Variants in ADAMTS19 observed in about 807,000 individuals in gnomAD.
ADAMTS19 encodes A disintegrin and metalloproteinase with thrombospondin motifs 19.
In ADAMTS19, 93 loss-of-function variants were observed where a neutral mutation model predicts 153.3. That is an observed-to-expected ratio of 0.61 (90% CI 0.51 to 0.72). The LOEUF (loss-of-function observed/expected upper bound fraction) is 0.72. ADAMTS19 is among the 30% of genes least tolerant of loss of function. The pLI is 0.00. For synonymous variants in ADAMTS19, 600 were observed against 556.6 expected, an observed-to-expected ratio of 1.08 and a Z score of -1.10; for missense variants, 1,482 against 1,552.1, an observed-to-expected ratio of 0.95 and a Z score of 0.76.
chr5:129,728,100 A>C (rs888831713), intron 21 of ADAMTS19, among the ~76,000 whole-genome samples: 1 of 152,152 alleles, frequency 6.6e-6, no homozygotes, highest in African/African-American at 2.4e-5. Context: ...CTAATTATAC[A>C]TTATGCATTA....
intron 16 of ADAMTS19, among the ~76,000 whole-genome samples, chr5:129,668,670 A>G (rs529542451): frequency 2.6e-5 from 4 of 152,212 alleles, no homozygotes; most frequent in South Asian, 4.2e-4. Flanking sequence ...GGGGGACACA[A>G]ATATTCAGAC....
At chr5:129,492,497 T>C (rs1750798962) in intron 2 of ADAMTS19, among the ~76,000 whole-genome samples, 1 of 133,552 alleles carries the variant, frequency 7.5e-6, no homozygotes, top group Admixed American at 7.4e-5. Flanking sequence ...GCTTGTATAA[T>C]TAAAGGTCAG....
chr5:129,677,476 CA>C (rs34211136), intron 16 of ADAMTS19, among the ~76,000 whole-genome samples: 21,775 of 135,692 alleles, frequency 0.16, 1,686 homozygotes, highest in East Asian at 0.32. Flanking sequence ...GACTCCGTCT[CA>C]AAAAAAAAAA....
chr5:129,732,818 GA>G (rs1409907764), intron 21 of ADAMTS19, among the ~76,000 whole-genome samples: 1 of 151,924 alleles, frequency 6.6e-6, no homozygotes, highest in African/African-American at 2.4e-5. Flanking sequence ...AAAAAATCCT[GA>G]AATTCATACA....
At chr5:129,576,838 TATTCA>T (rs1754121569) in intron 7 of ADAMTS19, among the ~76,000 whole-genome samples, 1 of 151,964 alleles carries the variant, frequency 6.6e-6, no homozygotes, top group Non-Finnish European at 1.5e-5. Context: ...CTGACCTACC[TATTCA>T]ATTCATCTAC....
At chr5:129,608,116 G>GTGTGTGTGTGTATATATATATA (rs377008786) in intron 8 of ADAMTS19, among the ~76,000 whole-genome samples, 15 of 47,950 alleles carry the variant, frequency 3.1e-4, no homozygotes, top group Non-Finnish European at 4.5e-4. Flanking sequence ...GTGTGTGTGT[G>GTGTGTGTGTGTATATATATATA]TATATATATA....
chr5:129,464,496 A>T (rs1167185066), intron 2 of ADAMTS19, among the ~76,000 whole-genome samples: 3 of 152,202 alleles, frequency 2.0e-5, no homozygotes, highest in Non-Finnish European at 2.9e-5. Context: ...CTTGATAGTA[A>T]GCTTTGCCTA....
At chr5:129,695,021 G>T (rs1484492955) in intron 19 of ADAMTS19, among the ~76,000 whole-genome samples, 166 bp downstream of exon 19, 1 of 152,108 alleles carries the variant, frequency 6.6e-6, no homozygotes, top group Non-Finnish European at 1.5e-5. Context: ...AAGCAAGGTA[G>T]CAAGGCCAAG....
At chr5:129,626,887 A>G (rs1396240143) in intron 10 of ADAMTS19, among the ~76,000 whole-genome samples, 1 of 152,116 alleles carries the variant, frequency 6.6e-6, no homozygotes, top group Non-Finnish European at 1.5e-5. Flanking sequence ...CTACCAAGGT[A>G]GATGGTTAGG....
chr5:129,476,824 C>T (rs894956806), intron 2 of ADAMTS19, among the ~76,000 whole-genome samples: 4 of 152,074 alleles, frequency 2.6e-5, no homozygotes, highest in African/African-American at 4.8e-5. Context: ...AAAATTTTCT[C>T]ATTTTAGTAG....
intron 3 of ADAMTS19, 65 bp downstream of exon 3, chr5:129,509,307 A>T (rs889622413): frequency 1.3e-5 from 19 of 1,425,618 alleles, no homozygotes; most frequent in Middle Eastern, 1.8e-4. Flanking sequence ...CTTTAAAAAA[A>T]CTCTCTCGTC....
intron 18 of ADAMTS19, among the ~76,000 whole-genome samples, chr5:129,689,850 ATAT>A (rs1324034601): frequency 6.6e-6 from 1 of 152,200 alleles, no homozygotes; most frequent in East Asian, 1.9e-4. Context: ...ATAAAATTTG[ATAT>A]TATTTCATTT....
intron 7 of ADAMTS19, among the ~76,000 whole-genome samples, chr5:129,579,664 T>A (rs1749407832): frequency 6.6e-6 from 1 of 152,132 alleles, no homozygotes; most frequent in South Asian, 2.1e-4. Context: ...TTCTAGCCAG[T>A]TTTCCCAACA....
At chr5:129,663,250 C>T (rs1020111997) in intron 15 of ADAMTS19, among the ~76,000 whole-genome samples, 9 of 152,118 alleles carry the variant, frequency 5.9e-5, no homozygotes, top group Non-Finnish European at 1.0e-4. Context: ...AAACTATGAC[C>T]ATCACCAAAG....
chr5:129,476,723 C>A (rs1284311440), intron 2 of ADAMTS19, among the ~76,000 whole-genome samples: 1 of 151,944 alleles, frequency 6.6e-6, no homozygotes, highest in African/African-American at 2.4e-5. Context: ...AAATAAAGAC[C>A]CTTAGATAGT....
chr5:129,491,893 G>T lies in ADAMTS19; in HGVS notation c.748-17184G>T, dbSNP rs72663402. 0.013 allele frequency among the ~76,000 whole-genome samples: 1,985 copies of T among 152,182 alleles called. 98 individuals are homozygous for T. In the East Asian group the frequency reaches 0.17, roughly 13 times the overall value. On this transcript the variant is annotated intron_variant, in intron 2 of 22. Transcript: ENST00000274487. ...TCACAATATTTGCATTTTCTTGTGG[G>T]TACCTATATGTGTATGCATAAAGAT...
chr5:129,643,316 T>C (rs30685), intron 11 of ADAMTS19, among the ~76,000 whole-genome samples: 61,609 of 143,458 alleles, frequency 0.43, 14,276 homozygotes, highest in African/African-American at 0.65. Flanking sequence ...GAGCCGAGAC[T>C]GCACCACTGC....
chr5:129,557,123 T>C (rs62398981), intron 7 of ADAMTS19, among the ~76,000 whole-genome samples: 9,266 of 152,138 alleles, frequency 0.061, 417 homozygotes, highest in Non-Finnish European at 0.088. Flanking sequence ...GTAAAGAGCT[T>C]GAGATTAGAT....
chr5:129,688,798 T>C (rs1027250031), intron 18 of ADAMTS19, among the ~76,000 whole-genome samples: 6 of 152,194 alleles, frequency 3.9e-5, no homozygotes, highest in Admixed American at 1.3e-4. Context: ...TCTTTTATTT[T>C]CAAACAGCTT....
Sources: gnomAD v4.1 joint callset for allele counts (sites outside exome capture counted in the v4.1 genomes callset) on GRCh38, gnomAD v4.1.1 for gene constraint, MANE v1.5 for transcripts, NCBI Gene and HGNC (gene_info 2026-07-23, HGNC 2026-07-21) for gene names.